Variants in STK32B observed in about 807,000 individuals in gnomAD.
STK32B encodes serine/threonine-protein kinase 32B.
Under a neutral mutation model 52.6 loss-of-function variants are expected in STK32B, and 43 were observed. The observed-to-expected ratio is 0.82, with a 90% CI of 0.64 to 1.05. STK32B has a LOEUF of 1.05. STK32B is among the 50% of genes least tolerant of loss of function. STK32B has a pLI of 0.00. For synonymous variants in STK32B, 238 were observed against 204.3 expected, an observed-to-expected ratio of 1.17 and a Z score of -1.41; for missense variants, 621 against 534.6, an observed-to-expected ratio of 1.16 and a Z score of -1.59.
At chr4:5,316,163 CTAAA>C (rs1462511650) in intron 3 of STK32B, among the ~76,000 whole-genome samples, 2 of 81,112 alleles carry the variant, frequency 2.5e-5, no homozygotes, top group African/African-American at 6.4e-5. Context: ...ATATATATAA[CTAAA>C]TATATATATA....
chr4:5,107,160 A>G (rs1258845903), intron 1 of STK32B, among the ~76,000 whole-genome samples: 1 of 151,930 alleles, frequency 6.6e-6, no homozygotes, highest in African/African-American at 2.4e-5. Flanking sequence ...GCAAACCTAT[A>G]TTGTGAACTG....
chr4:5,045,470 A>G, the STK32B span, among the ~76,000 whole-genome samples: 2 of 152,252 alleles, frequency 1.3e-5, no homozygotes, highest in South Asian at 4.1e-4. Flanking sequence ...GCGGTTTGAT[A>G]GAAATAGTAT....
intron 3 of STK32B, among the ~76,000 whole-genome samples, chr4:5,231,404 A>T (rs2108806406): frequency 6.6e-6 from 1 of 152,310 alleles, no homozygotes; most frequent in East Asian, 1.9e-4. Flanking sequence ...TGAGGCCAGG[A>T]GTTCGAGACC....
chr4:5,404,574 G>C (rs1577452409), intron 5 of STK32B, among the ~76,000 whole-genome samples: 1 of 151,832 alleles, frequency 6.6e-6, no homozygotes, highest in South Asian at 2.1e-4. Flanking sequence ...TCATTCACTA[G>C]ACATAGCACA....
intron 3 of STK32B, among the ~76,000 whole-genome samples, chr4:5,227,199 C>G (rs924196270): frequency 2.0e-5 from 3 of 152,162 alleles, no homozygotes; most frequent in African/African-American, 7.2e-5. Flanking sequence ...CACCAAAACT[C>G]AACAAGCAGT....
At chr4:5,289,696 T>A (rs1728768204) in intron 3 of STK32B, among the ~76,000 whole-genome samples, 1 of 132,488 alleles carries the variant, frequency 7.5e-6, no homozygotes, top group African/African-American at 3.2e-5. Flanking sequence ...TTTTTTTTTT[T>A]TTTTTTTTTT....
intron 3 of STK32B, among the ~76,000 whole-genome samples, chr4:5,298,037 G>A (rs933112654): frequency 6.6e-6 from 1 of 152,124 alleles, no homozygotes; most frequent in Non-Finnish European, 1.5e-5. Context: ...TGACAGTCAG[G>A]CCCCTCTTCT....
chr4:5,135,570 T>C (rs1457116318), intron 1 of STK32B, among the ~76,000 whole-genome samples: 1 of 152,198 alleles, frequency 6.6e-6, no homozygotes, highest in East Asian at 1.9e-4. Context: ...TAAAATTGTT[T>C]TGTTATTTTT....
chr4:5,143,129 G>GTCTGTCTA (rs1486809073), intron 2 of STK32B, among the ~76,000 whole-genome samples: 1 of 139,878 alleles, frequency 7.1e-6, no homozygotes. Flanking sequence ...CTGTCTGTCT[G>GTCTGTCTA]TCTATCTGTC....
chr4:5,028,088 A>G, the STK32B span, among the ~76,000 whole-genome samples: 2 of 152,208 alleles, frequency 1.3e-5, no homozygotes. Context: ...AGTCTGACCA[A>G]TACAGCATCC....
chr4:5,155,297 C>G (rs941173112), intron 2 of STK32B, among the ~76,000 whole-genome samples: 2 of 152,152 alleles, frequency 1.3e-5, no homozygotes, highest in African/African-American at 4.8e-5. Context: ...TATAAACTAC[C>G]TGTGATTCTA....
rs139577945 is a variant in STK32B at position 5,230,708 on chromosome 4, A to G, written c.260+62258A>G. On this transcript the variant is annotated intron_variant, in intron 3 of 11. Transcript: ENST00000282908. Reference sequence around the variant, plus strand: ...TGGGCTGGAGATGTGGTGTTGAAGCAGCGCCTGTGTGCATGTACATGTGGA... The same window carrying G: ...TGGGCTGGAGATGTGGTGTTGAAGCGGCGCCTGTGTGCATGTACATGTGGA... 5.6e-4 allele frequency among the ~76,000 whole-genome samples: 86 copies of G among 152,362 alleles called. 1 individual carries two copies. In the East Asian group the frequency reaches 0.016, roughly 28 times the overall value.
chr4:5,491,227 C>T lies in STK32B; in HGVS notation c.1107-7718C>T, dbSNP rs1172330898. Among the ~76,000 whole-genome samples the T allele has an allele frequency of 7.9e-5, 12 of 152,322 alleles. No individual in the cohort carries two copies. In the South Asian group the frequency reaches 2.1e-3, roughly 26 times the overall value. On this transcript the variant is annotated intron_variant, in intron 11 of 11. Coordinates refer to ENST00000282908, the MANE Select transcript of STK32B (RefSeq NM_018401.3). ...TGTTCCTATTTCTCCACATCCTCTC[C>T]AGCACCTGTTGTTTCCTGACTTTTT...
At chr4:5,211,936 A>G (rs981402725) in intron 3 of STK32B, among the ~76,000 whole-genome samples, 17 of 152,166 alleles carry the variant, frequency 1.1e-4, no homozygotes, top group African/African-American at 3.9e-4. Context: ...TATTTGCCAT[A>G]GTATTTTATC....
At chr4:5,127,939 G>T (rs1397519915) in intron 1 of STK32B, among the ~76,000 whole-genome samples, 1 of 152,124 alleles carries the variant, frequency 6.6e-6, no homozygotes, top group Non-Finnish European at 1.5e-5. Flanking sequence ...GAGCTCTCTT[G>T]CCTGTTACCA....
intron 3 of STK32B, among the ~76,000 whole-genome samples, chr4:5,260,325 C>A (rs1726629209): frequency 6.6e-6 from 1 of 152,174 alleles, no homozygotes; most frequent in African/African-American, 2.4e-5. Context: ...CAGCTTATGA[C>A]ACATACAAGA....
chr4:5,150,533 T>C (rs1464549272), intron 2 of STK32B, among the ~76,000 whole-genome samples: 1 of 152,166 alleles, frequency 6.6e-6, no homozygotes, highest in Non-Finnish European at 1.5e-5. Context: ...GGACTTACAT[T>C]GCATATTCTG....
At chr4:5,363,552 CT>C (rs961533719) in intron 4 of STK32B, among the ~76,000 whole-genome samples, 1 of 151,890 alleles carries the variant, frequency 6.6e-6, no homozygotes, top group East Asian at 1.9e-4. Flanking sequence ...CCTGACATTG[CT>C]TTTTTTTAGA....
intron 1 of STK32B, among the ~76,000 whole-genome samples, chr4:5,067,911 G>C (rs1019551644): frequency 2.6e-5 from 4 of 152,034 alleles, no homozygotes; most frequent in African/African-American, 9.7e-5. Context: ...TAAACAACCA[G>C]ATCTCATGAG....
Sources: gnomAD v4.1 joint callset for allele counts (sites outside exome capture counted in the v4.1 genomes callset) on GRCh38, gnomAD v4.1.1 for gene constraint, MANE v1.5 for transcripts, NCBI Gene and HGNC (gene_info 2026-07-23, HGNC 2026-07-21) for gene names.